The following UQCC1 variants were observed in gnomAD, a reference collection of about 807,000 sequenced individuals.
The protein encoded by UQCC1 is bFGF-repressed Zic-binding protein.
UQCC1 carries 38 observed loss-of-function variants against 48.0 expected under a neutral mutation model. The observed-to-expected ratio is 0.79, with a 90% CI of 0.61 to 1.04. UQCC1 has a LOEUF of 1.04. UQCC1 is among the 50% of genes least tolerant of loss of function. The pLI is 0.00. For synonymous variants in UQCC1, 111 were observed against 129.2 expected, an observed-to-expected ratio of 0.86 and a Z score of 0.95; for missense variants, 368 against 381.8, an observed-to-expected ratio of 0.96 and a Z score of 0.30.
At chr20:35,322,934 G>A (rs1356895611) in intron 7 of UQCC1, among the ~76,000 whole-genome samples, 2 of 151,458 alleles carry the variant, frequency 1.3e-5, no homozygotes, top group African/African-American at 2.4e-5. Context: ...TGCAAGCTCC[G>A]CCTCCCGGGT....
intron 8 of UQCC1, among the ~76,000 whole-genome samples, chr20:35,310,644 CAAAAAAA>C (rs1199768843): frequency 4.5e-5 from 2 of 44,150 alleles, no homozygotes; most frequent in Non-Finnish European, 8.0e-5. Flanking sequence ...GACTCTGTCT[CAAAAAAA>C]AAAAAAAAAA....
chr20:35,329,554 G>T (rs927443266), intron 7 of UQCC1, among the ~76,000 whole-genome samples: 1 of 152,168 alleles, frequency 6.6e-6, no homozygotes, highest in Non-Finnish European at 1.5e-5. Flanking sequence ...AGCATTTTGG[G>T]GGAAACAAAG....
intron 5 of UQCC1, among the ~76,000 whole-genome samples, chr20:35,371,278 G>C (rs2061726722): frequency 6.6e-6 from 1 of 151,282 alleles, no homozygotes; most frequent in South Asian, 2.1e-4. Context: ...AGAAATTTCT[G>C]AGTTATTTAT....
chr20:35,326,281 T>C (rs1292348724), intron 7 of UQCC1, among the ~76,000 whole-genome samples: 2 of 152,170 alleles, frequency 1.3e-5, no homozygotes, highest in African/African-American at 2.4e-5. Context: ...GACTTGCATG[T>C]AATCAGACCT....
intron 6 of UQCC1, among the ~76,000 whole-genome samples, chr20:35,357,380 C>T (rs1486057813): frequency 6.6e-6 from 1 of 152,006 alleles, no homozygotes; most frequent in Admixed American, 6.5e-5. Context: ...ATTAGCTGGG[C>T]GTGGTGGCAC....
chr20:35,398,362 A>T (rs2062111680), intron 1 of UQCC1, among the ~76,000 whole-genome samples: 1 of 152,238 alleles, frequency 6.6e-6, no homozygotes, highest in South Asian at 2.1e-4. Context: ...GATTTTCTTT[A>T]AAATTAACAA....
intron 7 of UQCC1, among the ~76,000 whole-genome samples, chr20:35,329,126 C>T (rs1326916423): frequency 1.3e-5 from 2 of 152,206 alleles, no homozygotes; most frequent in Non-Finnish European, 2.9e-5. Flanking sequence ...ACTACCCAGG[C>T]ATCAAGCACT....
At chr20:35,393,512 A>T (rs1481396428) in intron 2 of UQCC1, among the ~76,000 whole-genome samples, 3 of 131,892 alleles carry the variant, frequency 2.3e-5, no homozygotes, top group African/African-American at 7.9e-5. Context: ...AAACACACAC[A>T]CACACACACA....
At chr20:35,339,290 T>C (rs1243955814) in intron 7 of UQCC1, among the ~76,000 whole-genome samples, 3 of 152,132 alleles carry the variant, frequency 2.0e-5, no homozygotes, top group African/African-American at 7.2e-5. Context: ...CAAGAATCCT[T>C]ATCCCATCTA....
chr20:35,364,134 A>T (rs1337664757), intron 6 of UQCC1, among the ~76,000 whole-genome samples: 1 of 152,172 alleles, frequency 6.6e-6, no homozygotes, highest in Non-Finnish European at 1.5e-5. Context: ...TCTTGTACAC[A>T]TTCTATCTTT....
intron 6 of UQCC1, among the ~76,000 whole-genome samples, chr20:35,348,802 C>CA (rs2061459278): frequency 6.6e-6 from 1 of 152,142 alleles, no homozygotes; most frequent in Non-Finnish European, 1.5e-5. Context: ...TACAGGTGTG[C>CA]ACCACCACGC....
chr20:35,333,323 G>A (rs1223356343), intron 7 of UQCC1, among the ~76,000 whole-genome samples: 2 of 152,214 alleles, frequency 1.3e-5, no homozygotes, highest in Non-Finnish European at 2.9e-5. Context: ...TTGGCCCATA[G>A]TATGCACCGC....
intron 5 of UQCC1, among the ~76,000 whole-genome samples, chr20:35,373,222 A>T (rs1317921898): frequency 6.6e-6 from 1 of 152,250 alleles, no homozygotes; most frequent in East Asian, 1.9e-4. Flanking sequence ...CCTTTTGGAA[A>T]GCAATTTATC....
intron 7 of UQCC1, among the ~76,000 whole-genome samples, chr20:35,325,518 C>A (rs906158351): frequency 6.6e-6 from 1 of 152,172 alleles, no homozygotes; most frequent in Non-Finnish European, 1.5e-5. Flanking sequence ...AGACTATAAA[C>A]GGTCTTGGTA....
intron 6 of UQCC1, among the ~76,000 whole-genome samples, chr20:35,358,878 C>T (rs1414851236): frequency 6.6e-6 from 1 of 152,120 alleles, no homozygotes; most frequent in Non-Finnish European, 1.5e-5. Flanking sequence ...TTCTTAAACC[C>T]ACAATTTATT....
chr20:35,397,036 T>C (rs1407366758), intron 1 of UQCC1, among the ~76,000 whole-genome samples: 2 of 151,676 alleles, frequency 1.3e-5, no homozygotes, highest in African/African-American at 4.8e-5. Context: ...CAGATTAAAA[T>C]ATTCAGGAAA....
At chr20:35,386,468 TAGTC>T in intron 2 of UQCC1, 1 of 414,402 alleles carries the variant, frequency 2.4e-6, no homozygotes. Context: ...ATTAAAAAAT[TAGTC>T]AGGATTCTTC....
intron 2 of UQCC1, among the ~76,000 whole-genome samples, chr20:35,389,059 C>CG (rs1001006651): frequency 2.7e-4 from 41 of 151,550 alleles, no homozygotes; most frequent in African/African-American, 9.4e-4. Context: ...GAGTGAGACT[C>CG]CATCTAAAAA....
intron 1 of UQCC1, among the ~76,000 whole-genome samples, chr20:35,411,272 C>T (rs1420063716): frequency 6.6e-6 from 1 of 152,150 alleles, no homozygotes; most frequent in Non-Finnish European, 1.5e-5. Context: ...TAGTTTCACA[C>T]ACGGGTGCTA....
Sources: gnomAD v4.1 joint callset for allele counts (sites outside exome capture counted in the v4.1 genomes callset) on GRCh38, gnomAD v4.1.1 for gene constraint, MANE v1.5 for transcripts, NCBI Gene and HGNC (gene_info 2026-07-23, HGNC 2026-07-21) for gene names.